Variants in POTEC observed in about 807,000 individuals in gnomAD.
The protein encoded by POTEC is ANKRD26-like family B member 2.
Under a neutral mutation model 62.0 loss-of-function variants are expected in POTEC, and 35 were observed. That is an observed-to-expected ratio of 0.56 (90% CI 0.43 to 0.75). The LOEUF is 0.75. POTEC is among the 30% of genes least tolerant of loss of function. POTEC has a pLI of 0.00. For synonymous variants in POTEC, 156 were observed against 221.5 expected (o/e 0.70, Z 2.62); for missense variants, 472 against 655.9 (o/e 0.72, Z 3.06).
chr18:14,513,650 T>C lies in POTEC; in HGVS notation c.1533+12A>G, dbSNP rs762149970. 13 of 1,610,886 alleles carry C rather than the reference T, an allele frequency of 8.1e-6. No individual in the cohort carries two copies. The highest frequency in any genetic ancestry group is 1.1e-5 in the Non-Finnish European group (13 of 1,179,666). On this transcript the variant is annotated intron_variant, in intron 10 of 10. Transcript: ENST00000358970. ...ACATATGAAAACATTTGAAAATGAC[T>C]AAAGAAAATACCTCAGAATTCATTT...
At chr18:14,534,282 C>T (rs1397001932) in intron 4 of POTEC, among the ~76,000 whole-genome samples, 1 of 151,298 alleles carries the variant, frequency 6.6e-6, no homozygotes, top group Middle Eastern at 3.2e-3. Flanking sequence ...AAAAGTGTAT[C>T]CACTTAAAAC....
chr18:14,521,804 T>C (rs902486814), intron 9 of POTEC, among the ~76,000 whole-genome samples: 9 of 152,024 alleles, frequency 5.9e-5, no homozygotes, highest in African/African-American at 1.9e-4. Context: ...AACTAAACAA[T>C]GAGAACTCAT....
Position 14,543,538 on chromosome 18 carries a change from A to AC in POTEC, c.-393dup. The AC allele has an allele frequency of 2.8e-6, 1 of 357,484 alleles. No individual in the cohort carries two copies. Among genetic ancestry groups the AC allele is most frequent in the South Asian group, 3.0e-5 (1 of 33,784 alleles). 22.1% of individuals were successfully genotyped at this position (357,484 alleles called of 1,614,324 possible). ...CGACTAACGCCAAGCCAAGCTAGGAACGCAAGGCCAAGCGAGGAACGCAAA... is the reference window on the plus strand; with the variant it reads ...CGACTAACGCCAAGCCAAGCTAGGAACCGCAAGGCCAAGCGAGGAACGCAAA... On this transcript the variant is annotated 5_prime_UTR_variant, in exon 1 of 11. Coordinates refer to ENST00000358970, the MANE Select transcript of POTEC (RefSeq NM_001137671.2).
chr18:14,542,593 T>A (rs1305149084), intron 1 of POTEC, 33 bp downstream of exon 1: 1 of 1,611,684 alleles, frequency 6.2e-7, no homozygotes, highest in African/African-American at 1.3e-5. Context: ...CATCCCCCCA[T>A]GTCCCGCCTC....
In POTEC at chr18:14,508,071, AC is replaced by A. The variant is rs1271684812; in HGVS notation, c.*3826del. 1 of 152,096 alleles carries A rather than the reference AC, an allele frequency of 6.6e-6. No individual in the cohort carries two copies. Among genetic ancestry groups the A allele is most frequent in the African/African-American group, 2.4e-5 (1 of 41,408 alleles). The allele number at this position is 152,096 out of a possible 1,614,324, so 9.4% of individuals were successfully genotyped here. A position where few individuals can be genotyped will look rare whatever the true frequency, so the allele number is the denominator to read the frequency against. On this transcript the variant is annotated 3_prime_UTR_variant, in exon 11 of 11. Coordinates refer to ENST00000358970, the MANE Select transcript of POTEC (RefSeq NM_001137671.2). ...GGATGATCTTCTCATGGCATATCTT[AC>A]TGAGGTTCTCTGGATTTCCTGAAGT...
intron 10 of POTEC, among the ~76,000 whole-genome samples, chr18:14,512,778 C>T (rs1177959738): frequency 7.6e-6 from 1 of 131,746 alleles, no homozygotes; most frequent in Non-Finnish European, 1.7e-5. Flanking sequence ...CTAGAATACA[C>T]ACACACACAC....
chr18:14,518,791 C>A (rs1240811170), intron 9 of POTEC, among the ~76,000 whole-genome samples: 1 of 147,130 alleles, frequency 6.8e-6, no homozygotes, highest in African/African-American at 2.5e-5. Flanking sequence ...AGAGGTGTGC[C>A]TGGCATCTTT....
Position 14,542,887 on chromosome 18 carries a change from T to A in POTEC, c.260A>T (p.Asp87Val), listed in dbSNP as rs574505796. Residue 87 changes from aspartate to valine, a missense_variant, in exon 1 of 11, where the codon GAC (aspartate) becomes GTC (valine). Asp to Val is a radical substitution (Grantham distance 152). Around this residue, in one of 5 missense-constraint regions of POTEC, gnomAD observed 257 missense variants for 250.7 expected, o/e 1.03. Coordinates refer to ENST00000358970, the MANE Select transcript of POTEC (RefSeq NM_001137671.2). ...TSNVGTSGDH[D>V]NSFMKTLRSK... ...CCTGAGCGTCTTCATAAAGGAGTTG[T>A]CATGGTCTCCAGAAGTGCCCACGTT... The A allele has an allele frequency of 5.7e-5, 74 of 1,305,024 alleles. No individual in the cohort carries two copies. The South Asian group carries it at 9.7e-4, about 17-fold the overall frequency. The allele number at this position is 1,305,024 out of a possible 1,614,324, so 80.8% of individuals were successfully genotyped here.
chr18:14,524,867 A>C (rs963859809), intron 7 of POTEC, 46 bp downstream of exon 7: 2 of 1,593,262 alleles, frequency 1.3e-6, no homozygotes, highest in African/African-American at 2.7e-5. Flanking sequence ...GTTAAAGCAA[A>C]GAAAACAACA....
chr18:14,529,908 G>A lies in POTEC; in HGVS notation c.1126+575C>T, dbSNP rs1396672988. ...TCCTTACTTTTATTTTTTTATCTAC[G>A]GTAGGACCACCCAGAGCAGGGGCCC... On this transcript the variant is annotated intron_variant, in intron 6 of 10. Coordinates refer to ENST00000358970, the MANE Select transcript of POTEC (RefSeq NM_001137671.2). Among the ~76,000 whole-genome samples, 4 of 151,796 alleles carry A rather than the reference G, an allele frequency of 2.6e-5. No homozygotes were observed. The East Asian group carries it at 7.7e-4, about 29-fold the overall frequency.
At chr18:14,529,883 T>C in intron 6 of POTEC, among the ~76,000 whole-genome samples, 1 of 151,934 alleles carries the variant, frequency 6.6e-6, no homozygotes, top group Non-Finnish European at 1.5e-5. Flanking sequence ...GATCAAAAAT[T>C]CCTTACTTTT....
intron 9 of POTEC, among the ~76,000 whole-genome samples, chr18:14,521,039 T>C (rs1910294295): frequency 6.6e-6 from 1 of 152,182 alleles, no homozygotes; most frequent in South Asian, 2.1e-4. Context: ...CAGAAAAAGC[T>C]GGCCAGCTCC....
chr18:14,516,054 G>C (rs1249730285), intron 9 of POTEC, among the ~76,000 whole-genome samples: 2 of 149,402 alleles, frequency 1.3e-5, no homozygotes, highest in African/African-American at 4.9e-5. Context: ...AAAAAGAAGA[G>C]TTATACACTG....
Position 14,512,017 on chromosome 18 carries a change from A to C in POTEC, c.1534-24T>G, listed in dbSNP as rs775246209. 4.0e-5 allele frequency: 61 copies of C among 1,539,826 alleles called. No individual in the cohort carries two copies. The Middle Eastern group carries it at 6.5e-4, about 16-fold the overall frequency. ...AGCTAAGTAAACAAAGGGAACTTTT[A>C]GTTAGCACTCAATAGAATGACATAT... On this transcript the variant is annotated intron_variant, in intron 10 of 10. Transcript: ENST00000358970.
chr18:14,515,811 C>T (rs1474970250), intron 9 of POTEC, among the ~76,000 whole-genome samples: 3 of 151,382 alleles, frequency 2.0e-5, no homozygotes, highest in Non-Finnish European at 4.4e-5. Flanking sequence ...CTACCAGAAA[C>T]TCAAACAAAT....
chr18:14,537,208 CACAAA>C lies in POTEC; in HGVS notation c.810+588_810+592del, dbSNP rs768085581. On this transcript the variant is annotated intron_variant, in intron 3 of 10. Coordinates refer to ENST00000358970, the MANE Select transcript of POTEC (RefSeq NM_001137671.2). ...ACACACACACACACACACACACACACACAAAAAAAAAAAAAAACAAAAAAAAACCT... is the reference window on the plus strand; with the variant it reads ...ACACACACACACACACACACACACACAAAAAAAAAAAACAAAAAAAAACCT... Among the ~76,000 whole-genome samples, 71 of 75,234 alleles carry C rather than the reference CACAAA, an allele frequency of 9.4e-4. 1 individual carries two copies. Among genetic ancestry groups the C allele is most frequent in the African/African-American group, 5.5e-3 (62 of 11,300 alleles). The allele number at this position is 75,234 out of a possible 152,430, so 49.4% of individuals were successfully genotyped here. A position where few individuals can be genotyped will look rare whatever the true frequency, so the allele number is the denominator to read the frequency against.
intron 6 of POTEC, among the ~76,000 whole-genome samples, chr18:14,525,930 T>A (rs1910423534): frequency 6.6e-6 from 1 of 152,028 alleles, no homozygotes; most frequent in African/African-American, 2.4e-5. Context: ...TGAGCCAGGG[T>A]CTTGCTCTGT....
Position 14,517,036 on chromosome 18 carries a change from A to C in POTEC, c.1410-3251T>G, listed in dbSNP as rs546473893. ...GCAAAAGCTTCTAAAAATACCAAAA[A>C]CAGAAAGAAAATAATTAATTTTAAG... On this transcript the variant is annotated intron_variant, in intron 9 of 10. Coordinates refer to ENST00000358970, the MANE Select transcript of POTEC (RefSeq NM_001137671.2). Among the ~76,000 whole-genome samples the C allele has an allele frequency of 8.6e-3, 1,293 of 150,336 alleles. 7 individuals carry two copies. The highest frequency in any genetic ancestry group is 0.031 in the Middle Eastern group (9 of 294).
chr18:14,513,415 T>C (rs1426127207), intron 10 of POTEC, among the ~76,000 whole-genome samples: 3 of 152,124 alleles, frequency 2.0e-5, no homozygotes, highest in Admixed American at 6.5e-5. Flanking sequence ...ATTGAGGCCA[T>C]TGTGAAGGTC....
Sources: gnomAD v4.1 joint callset for allele counts (sites outside exome capture counted in the v4.1 genomes callset) on GRCh38, gnomAD v4.1.1 for gene constraint, gnomAD v4.1.1 regional missense constraint, MANE v1.5 for transcripts, NCBI Gene and HGNC (gene_info 2026-07-23, HGNC 2026-07-21) for gene names.